The following CCDC63 variants were observed in gnomAD, a reference collection of about 807,000 sequenced individuals.
CCDC63 encodes the protein coiled-coil domain-containing protein 63.
Under a neutral mutation model 63.6 loss-of-function variants are expected in CCDC63, and 54 were observed. The observed-to-expected ratio is 0.85, with a 90% CI of 0.68 to 1.07. The LOEUF (loss-of-function observed/expected upper bound fraction) is 1.07, where lower values mean the gene tolerates loss of function less well. CCDC63 is among the 50% of genes least tolerant of loss of function. The probability of loss-of-function intolerance (pLI) is 0.00; values close to 1 mark genes in which losing one functional copy is unlikely to be tolerated. For synonymous variants in CCDC63, 253 were observed against 266.1 expected (o/e 0.95, Z 0.48); for missense variants, 637 against 689.6 (o/e 0.92, Z 0.86).
intron 4 of CCDC63, among the ~76,000 whole-genome samples, chr12:110,871,982 AATG>A (rs1394708864): frequency 6.6e-6 from 1 of 152,248 alleles, no homozygotes; most frequent in Non-Finnish European, 1.5e-5. Flanking sequence ...GAAATCCATA[AATG>A]ATAGAATATT....
intron 4 of CCDC63, among the ~76,000 whole-genome samples, chr12:110,871,136 G>T (rs1326594978): frequency 6.6e-6 from 1 of 152,030 alleles, no homozygotes; most frequent in African/African-American, 2.4e-5. Context: ...TAGGACAGTG[G>T]TTATTTTTAT....
At chr12:110,897,774 C>G (rs1182972167) in intron 9 of CCDC63, among the ~76,000 whole-genome samples, 1 of 147,604 alleles carries the variant, frequency 6.8e-6, no homozygotes, top group Admixed American at 6.7e-5. Flanking sequence ...GCTCTGTCAC[C>G]CAGGCTGGAG....
At chr12:110,893,253 C>G in intron 9 of CCDC63, 103 bp downstream of exon 9, 1 of 905,320 alleles carries the variant, frequency 1.1e-6, no homozygotes, top group Non-Finnish European at 1.8e-6. Context: ...CTGTCAGCTG[C>G]TTCTCAGGAG....
intron 4 of CCDC63, among the ~76,000 whole-genome samples, chr12:110,868,793 G>GGGAGA (rs2071023554): frequency 6.8e-6 from 1 of 147,200 alleles, no homozygotes; most frequent in African/African-American, 2.5e-5. Context: ...GAGAGGGAGA[G>GGGAGA]GGAGAGGGAG....
At chr12:110,861,029 G>A (rs1487880876) in intron 4 of CCDC63, among the ~76,000 whole-genome samples, 1 of 152,200 alleles carries the variant, frequency 6.6e-6, no homozygotes, top group Non-Finnish European at 1.5e-5. Flanking sequence ...GAGCAGGCAC[G>A]TCACATGGCC....
chr12:110,852,725 A>C (rs2070719322), intron 1 of CCDC63, 134 bp from the exon 2 acceptor site: 1 of 638,440 alleles, frequency 1.6e-6, no homozygotes, highest in Admixed American at 2.7e-5. Flanking sequence ...CCGGGCAGCC[A>C]TCTGGGTATC....
intron 8 of CCDC63, among the ~76,000 whole-genome samples, 192 bp downstream of exon 8, chr12:110,884,442 C>T (rs891884094): frequency 7.3e-5 from 11 of 151,606 alleles, no homozygotes; most frequent in Middle Eastern, 3.4e-3. Context: ...AGTAGTAGTG[C>T]GATATTGGCT....
chr12:110,899,620 A>C (rs2071460625), intron 10 of CCDC63, among the ~76,000 whole-genome samples: 1 of 151,620 alleles, frequency 6.6e-6, no homozygotes, highest in Admixed American at 6.6e-5. Context: ...GCACCTGGCC[A>C]GGGCAGGTTT....
rs1290883033 is a variant in CCDC63 at position 110,907,289 on chromosome 12, G to T, written c.1547-42G>T. On this transcript the variant is annotated intron_variant, in intron 11 of 11. Transcript: ENST00000308208. The surrounding 1 kb of genome is among the most constrained non-coding windows in gnomAD (Gnocchi z 4.4). ...AACCAGGCTTAGCCCCAGCCCTGGG[G>T]TTGATTTCCCAGCACCTCACACAAA... 6.3e-7 allele frequency: 1 copy of T among 1,596,938 alleles called. No homozygotes were observed. Among genetic ancestry groups the T allele is most frequent in the Admixed American group, 1.7e-5 (1 of 59,120 alleles).
At chr12:110,887,937 C>CA (rs1303113815) in intron 8 of CCDC63, among the ~76,000 whole-genome samples, 5 of 152,124 alleles carry the variant, frequency 3.3e-5, no homozygotes, top group Non-Finnish European at 7.3e-5. Flanking sequence ...TCCACCTCCC[C>CA]AAGTTGTTAA....
intron 8 of CCDC63, among the ~76,000 whole-genome samples, chr12:110,885,691 G>C (rs559775721): frequency 1.3e-5 from 2 of 151,956 alleles, no homozygotes; most frequent in African/African-American, 4.8e-5. Context: ...CACAAATGTC[G>C]CCTCCTCTGG....
intron 8 of CCDC63, among the ~76,000 whole-genome samples, chr12:110,892,085 C>T (rs1159888158): frequency 2.0e-5 from 3 of 152,140 alleles, no homozygotes; most frequent in Admixed American, 1.3e-4. Flanking sequence ...CCAACAGAAT[C>T]GGAAGCCCTG....
In CCDC63 at chr12:110,852,878, G is replaced by C; in HGVS notation, c.-77G>C. On this transcript the variant is annotated 5_prime_UTR_variant, in exon 2 of 12. Coordinates refer to ENST00000308208, the MANE Select transcript of CCDC63 (RefSeq NM_152591.3). ...GAACAGGGCATTGCAGAGAGACAGA[G>C]AGAGAGAGGAAGGCTCACTGGCTTT... is the stretch of plus-strand genomic sequence containing the variant. 1.9e-6 allele frequency: 3 copies of C among 1,611,764 alleles called. No homozygotes were observed. The highest frequency in any genetic ancestry group is 2.2e-5 in the South Asian group (2 of 91,020).
intron 4 of CCDC63, among the ~76,000 whole-genome samples, chr12:110,861,824 C>T (rs184454961): frequency 3.3e-5 from 5 of 151,604 alleles, no homozygotes; most frequent in East Asian, 1.9e-4. Context: ...TGCCCTCTTC[C>T]GCCTCTGAAG....
intron 5 of CCDC63, among the ~76,000 whole-genome samples, chr12:110,875,648 A>G (rs1246762616): frequency 6.6e-6 from 1 of 152,184 alleles, no homozygotes; most frequent in Non-Finnish European, 1.5e-5. Flanking sequence ...ATCTGTTGGT[A>G]TATAGTTGTT....
At chr12:110,846,207 G>C (rs2070635600), upstream of CCDC63, among the ~76,000 whole-genome samples, 2 of 152,190 alleles carry the variant, frequency 1.3e-5, no homozygotes, top group African/African-American at 4.8e-5. Context: ...AGGGGGCTAG[G>C]AGTTAAAGTG....
At chr12:110,891,108 C>A (rs1457950230) in intron 8 of CCDC63, among the ~76,000 whole-genome samples, 1 of 151,842 alleles carries the variant, frequency 6.6e-6, no homozygotes, top group Non-Finnish European at 1.5e-5. Context: ...CTTCTGGAGA[C>A]CCTAGATGCT....
At chr12:110,871,821 G>A (rs1284719296) in intron 4 of CCDC63, among the ~76,000 whole-genome samples, 1 of 152,090 alleles carries the variant, frequency 6.6e-6, no homozygotes, top group Non-Finnish European at 1.5e-5. Context: ...CTGATCTCCA[G>A]CATCATAACT....
intron 4 of CCDC63, among the ~76,000 whole-genome samples, chr12:110,860,627 T>C (rs145687752): frequency 6.6e-6 from 1 of 152,324 alleles, no homozygotes; most frequent in African/African-American, 2.4e-5. Flanking sequence ...TTCACTCCTG[T>C]CGCCCAGGCT....
Sources: gnomAD v4.1 joint callset for allele counts (sites outside exome capture counted in the v4.1 genomes callset) on GRCh38, gnomAD v4.1.1 for gene constraint, Gnocchi (gnomAD v3.1) non-coding constraint, MANE v1.5 for transcripts, NCBI Gene and HGNC (gene_info 2026-07-23, HGNC 2026-07-21) for gene names.